MARCHF1: variants seen among roughly 807,000 people sequenced by gnomAD.
MARCHF1 encodes the protein membrane associated ring-CH-type finger 1.
MARCHF1 carries 40 observed loss-of-function variants against 54.2 expected under a neutral mutation model. The ratio of observed to expected loss-of-function variants is 0.74; its 90% confidence interval spans 0.57 to 0.96. The LOEUF (loss-of-function observed/expected upper bound fraction) is 0.96, where lower values mean the gene tolerates loss of function less well. Ranked by LOEUF, MARCHF1 falls within the 40% of genes least tolerant of loss-of-function variation. The probability of loss-of-function intolerance (pLI) is 0.00; values close to 1 mark genes in which losing one functional copy is unlikely to be tolerated. For missense variants in MARCHF1, 586 were observed against 656.5 expected (o/e 0.89, Z 1.17); for synonymous variants, 236 against 236.3 (o/e 1.00, Z 0.01).
intron 3 of MARCHF1, among the ~76,000 whole-genome samples, chr4:163,922,941 CA>C (rs1391866745): frequency 1.4e-4 from 22 of 151,826 alleles, no homozygotes; most frequent in Non-Finnish European, 2.9e-4. Context: ...ATCAAGTAAT[CA>C]AAAGAAAATT....
At chr4:163,762,929 T>G (rs542868107) in intron 4 of MARCHF1, among the ~76,000 whole-genome samples, 92 of 152,196 alleles carry the variant, frequency 6.0e-4, no homozygotes, top group African/African-American at 2.2e-3. Context: ...AGGCTCTAAT[T>G]ATATTGAAAT....
At chr4:163,658,390 T>G (rs905675724) in intron 5 of MARCHF1, among the ~76,000 whole-genome samples, 5 of 151,854 alleles carry the variant, frequency 3.3e-5, no homozygotes, top group Admixed American at 2.0e-4. Flanking sequence ...TATTATAAAG[T>G]CAAGAAATAA....
At chr4:163,588,300 T>C (rs951348698) in intron 7 of MARCHF1, among the ~76,000 whole-genome samples, 4 of 152,164 alleles carry the variant, frequency 2.6e-5, no homozygotes, top group Non-Finnish European at 4.4e-5. Context: ...AAACCTGAAA[T>C]AGCTTCTCTC....
In MARCHF1 at chr4:164,017,836, C is replaced by CAAA. The variant is rs35073711; in HGVS notation, c.-247-29130_-247-29128dup. Among the ~76,000 whole-genome samples, 159 of 138,048 alleles carry CAAA rather than the reference C, an allele frequency of 1.2e-3. 1 individual carries two copies. Among genetic ancestry groups the CAAA allele is most frequent in the South Asian group, 2.0e-3 (9 of 4,400 alleles). The allele number at this position is 138,048 out of a possible 152,430, so 90.6% of individuals were successfully genotyped here. ...TGGAAATGCAAAGAACCTAAATTAG[C>CAAA]AAAAAAAAAAAAAAAGTTGAAAAAG... On this transcript the variant is annotated intron_variant, in intron 2 of 9. Coordinates refer to ENST00000514618, the MANE Select transcript of MARCHF1 (RefSeq NM_001394959.1).
At chr4:164,237,081 GCA>G (rs1732582730) in intron 1 of MARCHF1, among the ~76,000 whole-genome samples, 1 of 152,002 alleles carries the variant, frequency 6.6e-6, no homozygotes, top group Non-Finnish European at 1.5e-5. Context: ...CCACCATTTT[GCA>G]CACTTTTCCT....
intron 7 of MARCHF1, among the ~76,000 whole-genome samples, chr4:163,610,096 C>G (rs1741283751): frequency 6.6e-6 from 1 of 151,964 alleles, no homozygotes; most frequent in Non-Finnish European, 1.5e-5. Flanking sequence ...AGCCCCAGTA[C>G]CTCTTCTTCT....
At position 163,692,870 on chromosome 4, in the gene MARCHF1, T is replaced by C. The variant is rs536544906; in HGVS notation, c.162+7943A>G. On this transcript the variant is annotated intron_variant, in intron 5 of 9. Coordinates refer to ENST00000514618, the MANE Select transcript of MARCHF1 (RefSeq NM_001394959.1). ...AACTGAAGCTGTTGTGTGCGGTATG[T>C]AATATCTTTACTAGAGAAGAACAAC... Among the ~76,000 whole-genome samples, 20 of 151,478 alleles carry C rather than the reference T, an allele frequency of 1.3e-4. No homozygotes were observed. The South Asian group carries it at 4.2e-3, about 31-fold the overall frequency.
chr4:163,566,579 G>C lies in MARCHF1; in HGVS notation c.1191+19170C>G, dbSNP rs1422833495. 3.9e-5 allele frequency among the ~76,000 whole-genome samples: 6 copies of C among 152,244 alleles called. No individual in the cohort carries two copies. In the East Asian group the frequency reaches 7.7e-4, roughly 20 times the overall value. On this transcript the variant is annotated intron_variant, in intron 8 of 9. Coordinates refer to ENST00000514618, the MANE Select transcript of MARCHF1 (RefSeq NM_001394959.1). ...TTTATTTTCTTTCTCCTGGGTGATAGGATGCCTAATAGATGGACCCACCAT... is the reference window on the plus strand; with the variant it reads ...TTTATTTTCTTTCTCCTGGGTGATACGATGCCTAATAGATGGACCCACCAT...
At chr4:163,950,412 A>ACATT (rs1752111608) in intron 3 of MARCHF1, among the ~76,000 whole-genome samples, 1 of 152,236 alleles carries the variant, frequency 6.6e-6, no homozygotes, top group Non-Finnish European at 1.5e-5. Context: ...CTGAAATTGA[A>ACATT]GTGGGCACCC....
Position 163,908,827 on chromosome 4 carries a change from T to C in MARCHF1, c.-38-54658A>G, listed in dbSNP as rs114090902. 3.6e-3 allele frequency among the ~76,000 whole-genome samples: 544 copies of C among 152,206 alleles called. 5 individuals carry two copies. Among genetic ancestry groups the C allele is most frequent in the African/African-American group, 0.012 (506 of 41,556 alleles). Reference sequence around the variant, plus strand: ...AGACTGGATCACTGTCCAGAAATGTTTGGATTCCAACCAGGCATATTTAAC... The same window carrying C: ...AGACTGGATCACTGTCCAGAAATGTCTGGATTCCAACCAGGCATATTTAAC... On this transcript the variant is annotated intron_variant, in intron 3 of 9. Coordinates refer to ENST00000514618, the MANE Select transcript of MARCHF1 (RefSeq NM_001394959.1).
rs201820317 is a variant in MARCHF1 at position 164,258,391 on chromosome 4, T to TATA, written c.-323+125476_-323+125478dup. 4.5e-3 allele frequency among the ~76,000 whole-genome samples: 659 copies of TATA among 145,946 alleles called. 2 individuals are homozygous for TATA. Among genetic ancestry groups the TATA allele is most frequent in the East Asian group, 0.012 (59 of 4,994 alleles). ...TGCACATATATCCCAGAACTTAAAG[T>TATA]ATAATAATAATAATAATAATAATAA... On this transcript the variant is annotated intron_variant, in intron 1 of 9. Coordinates refer to ENST00000514618, the MANE Select transcript of MARCHF1 (RefSeq NM_001394959.1).
chr4:163,772,741 G>C (rs1249045002), intron 4 of MARCHF1, among the ~76,000 whole-genome samples: 1 of 39,194 alleles, frequency 2.6e-5, no homozygotes. Flanking sequence ...CATTTGATTA[G>C]GCTAGGGCGT....
At chr4:163,851,633 A>G (rs752242157) in intron 4 of MARCHF1, among the ~76,000 whole-genome samples, 11 of 152,220 alleles carry the variant, frequency 7.2e-5, no homozygotes, top group Admixed American at 7.2e-4. Context: ...TGACATGAAT[A>G]TCTGGTGACC....
At chr4:164,208,787 A>T (rs1046349457) in intron 1 of MARCHF1, among the ~76,000 whole-genome samples, 7 of 152,166 alleles carry the variant, frequency 4.6e-5, no homozygotes, top group African/African-American at 1.7e-4. Context: ...CTCTAAAAAA[A>T]TACGAAAAGA....
chr4:164,317,944 A>C (rs2110747761), intron 1 of MARCHF1, among the ~76,000 whole-genome samples: 1 of 152,254 alleles, frequency 6.6e-6, no homozygotes, highest in South Asian at 2.1e-4. Context: ...CTGGTGAGGC[A>C]CTTTTATCCA....
chr4:163,693,208 ACG>A (rs1744518174), intron 5 of MARCHF1, among the ~76,000 whole-genome samples: 1 of 151,362 alleles, frequency 6.6e-6, no homozygotes, highest in African/African-American at 2.4e-5. Context: ...AATAAAACGA[ACG>A]TATCTTCAGG....
At chr4:163,875,704 G>A (rs1409799140) in intron 3 of MARCHF1, among the ~76,000 whole-genome samples, 2 of 152,166 alleles carry the variant, frequency 1.3e-5, no homozygotes, top group African/African-American at 4.8e-5. Flanking sequence ...ATTTACTGAT[G>A]TGAACTGCCT....
chr4:164,101,871 A>C (rs1208075977), intron 2 of MARCHF1, among the ~76,000 whole-genome samples: 1 of 151,982 alleles, frequency 6.6e-6, no homozygotes, highest in Non-Finnish European at 1.5e-5. Context: ...TTGAAAAAAA[A>C]TTTAGAAGAA....
At chr4:163,957,426 C>T (rs1221165018) in intron 3 of MARCHF1, among the ~76,000 whole-genome samples, 1 of 151,940 alleles carries the variant, frequency 6.6e-6, no homozygotes, top group Non-Finnish European at 1.5e-5. Flanking sequence ...TTGAAATTTG[C>T]TTTGAATATA....
Sources: gnomAD v4.1 joint callset for allele counts (sites outside exome capture counted in the v4.1 genomes callset) on GRCh38, gnomAD v4.1.1 for gene constraint, MANE v1.5 for transcripts, NCBI Gene and HGNC (gene_info 2026-07-23, HGNC 2026-07-21) for gene names.